The following SNX29 variants were observed in gnomAD, a reference collection of about 807,000 sequenced individuals.
SNX29 encodes sorting nexin-29.
Under a neutral mutation model 102.1 loss-of-function variants are expected in SNX29, and 78 were observed. That is an observed-to-expected ratio of 0.76 (90% CI 0.64 to 0.92). The LOEUF is 0.92. SNX29 is among the 40% of genes least tolerant of loss of function. The pLI is 0.00. For missense variants in SNX29, 1,280 were observed against 1,061.7 expected, an observed-to-expected ratio of 1.21 and a Z score of -2.86; for synonymous variants, 580 against 414.5, an observed-to-expected ratio of 1.40 and a Z score of -4.85.
At chr16:12,538,691 A>C (rs1362763106) in intron 20 of SNX29, among the ~76,000 whole-genome samples, 1 of 152,194 alleles carries the variant, frequency 6.6e-6, no homozygotes, top group Non-Finnish European at 1.5e-5. Flanking sequence ...TCCCAGGACC[A>C]GTGGGCGAGC....
At chr16:12,486,117 C>G (rs2088217163) in intron 19 of SNX29, among the ~76,000 whole-genome samples, 1 of 152,220 alleles carries the variant, frequency 6.6e-6, no homozygotes, top group African/African-American at 2.4e-5. Context: ...CTTGCCTTTT[C>G]CAGCTTAGAG....
chr16:12,346,632 C>T (rs1248506956), intron 15 of SNX29, among the ~76,000 whole-genome samples: 1 of 152,192 alleles, frequency 6.6e-6, no homozygotes, highest in African/African-American at 2.4e-5. Flanking sequence ...TGCATGAGTG[C>T]CTCTTGTGTG....
chr16:12,562,378 A>G (rs2078775751), intron 20 of SNX29, among the ~76,000 whole-genome samples: 1 of 139,630 alleles, frequency 7.2e-6, no homozygotes, highest in African/African-American at 2.9e-5. Flanking sequence ...CATTTTTTAA[A>G]ACAGCTCAAG....
At chr16:12,557,602 C>T (rs1040630328) in intron 20 of SNX29, 4 of 152,162 alleles carry the variant, frequency 2.6e-5, no homozygotes, top group Admixed American at 1.3e-4. Context: ...CCTCAAATGA[C>T]CCATTCTCCT....
chr16:12,568,980 G>T lies in SNX29; in HGVS notation c.*351G>T. On this transcript the variant is annotated 3_prime_UTR_variant, in exon 21 of 21. Coordinates refer to ENST00000566228, the MANE Select transcript of SNX29 (RefSeq NM_032167.5). The stretch of plus-strand genomic sequence containing the variant: ...AGGCTGGGTGCGCCATGGTTGAGAG[G>T]CAAAGGTGATCCCCTATATAGGAAG... The T allele has an allele frequency of 2.9e-6, 1 of 341,972 alleles. No individual in the cohort carries two copies. Among genetic ancestry groups the T allele is most frequent in the South Asian group, 5.5e-5 (1 of 18,046 alleles). The allele number at this position is 341,972 out of a possible 1,614,324, so 21.2% of individuals were successfully genotyped here.
intron 14 of SNX29, among the ~76,000 whole-genome samples, chr16:12,234,638 A>G (rs930807566): frequency 1.3e-5 from 2 of 151,984 alleles, no homozygotes; most frequent in African/African-American, 4.8e-5. Context: ...TCTTTAAAGC[A>G]GTGTTTCTGT....
chr16:12,210,380 C>T (rs1298281465), intron 14 of SNX29, among the ~76,000 whole-genome samples: 4 of 149,768 alleles, frequency 2.7e-5, no homozygotes, highest in South Asian at 2.1e-4. Flanking sequence ...CAGGCTGGAG[C>T]GCAGCTGGAC....
chr16:12,565,680 C>T (rs919713537), intron 20 of SNX29, among the ~76,000 whole-genome samples: 2 of 152,172 alleles, frequency 1.3e-5, no homozygotes, highest in African/African-American at 4.8e-5. Flanking sequence ...CCGAGCTAAC[C>T]CTGCCTTCCA....
At chr16:12,550,936 T>A (rs1031061863) in intron 20 of SNX29, among the ~76,000 whole-genome samples, 4 of 152,142 alleles carry the variant, frequency 2.6e-5, no homozygotes, top group Admixed American at 6.5e-5. Context: ...AAATAAATTT[T>A]TAGTTGAATC....
At chr16:12,548,030 T>C (rs558253164) in intron 20 of SNX29, among the ~76,000 whole-genome samples, 2 of 152,268 alleles carry the variant, frequency 1.3e-5, no homozygotes, top group East Asian at 1.9e-4. Context: ...ACTGCTCATA[T>C]TGGTAAGGCA....
intron 19 of SNX29, among the ~76,000 whole-genome samples, chr16:12,510,672 C>A (rs2089575635): frequency 6.6e-6 from 1 of 150,726 alleles, no homozygotes; most frequent in African/African-American, 2.4e-5. Flanking sequence ...GACTCTGTCT[C>A]AAAAAAAAGA....
intron 20 of SNX29, among the ~76,000 whole-genome samples, chr16:12,567,343 C>T (rs1009585659): frequency 2.6e-5 from 4 of 152,132 alleles, no homozygotes; most frequent in African/African-American, 7.3e-5. Context: ...GGACATGGAT[C>T]CTGTTAGGTT....
rs1242117861 is a variant in SNX29, at chr16:12,572,807, C to G, written c.*4178C>G. On this transcript the variant is annotated 3_prime_UTR_variant, in exon 21 of 21. Coordinates refer to ENST00000566228, the MANE Select transcript of SNX29 (RefSeq NM_032167.5). Reference sequence around the variant, plus strand: ...ACTCCTCCTTCCCCAGTACATCAGACTGGTTAGGAGGCATCCCAGAAGGGG... The same window carrying G: ...ACTCCTCCTTCCCCAGTACATCAGAGTGGTTAGGAGGCATCCCAGAAGGGG... 12 of 1,063,900 alleles carry G rather than the reference C, an allele frequency of 1.1e-5. No homozygotes were observed. Among genetic ancestry groups the G allele is most frequent in the African/African-American group, 1.6e-5 (1 of 61,110 alleles). The allele number at this position is 1,063,900 out of a possible 1,614,324, so 65.9% of individuals were successfully genotyped here.
At chr16:12,412,613 G>A (rs940967047) in intron 18 of SNX29, among the ~76,000 whole-genome samples, 7 of 152,188 alleles carry the variant, frequency 4.6e-5, no homozygotes, top group Non-Finnish European at 8.8e-5. Context: ...TAAAGTCTTC[G>A]CGTGTTAGGC....
chr16:12,027,138 A>G (rs1436971463), intron 3 of SNX29, among the ~76,000 whole-genome samples, 182 bp from the exon 4 acceptor site: 2 of 152,194 alleles, frequency 1.3e-5, no homozygotes, highest in African/African-American at 2.4e-5. Context: ...AATGAACATC[A>G]ACACGGGAGG....
In SNX29 at chr16:12,523,838, A is replaced by C. The variant is rs920245067; in HGVS notation, c.2179-864A>C. The stretch of plus-strand genomic sequence containing the variant: ...CTTCTGGGGCCACGCTGCACAGCCC[A>C]GCCTGGTATGGCCCTATGGGTGGGG... On this transcript the variant is annotated intron_variant, in intron 19 of 20. Coordinates refer to ENST00000566228, the MANE Select transcript of SNX29 (RefSeq NM_032167.5). Among the ~76,000 whole-genome samples the C allele has an allele frequency of 3.3e-5, 5 of 152,168 alleles. 1 individual carries two copies. Among genetic ancestry groups the C allele is most frequent in the Admixed American group, 3.3e-4 (5 of 15,282 alleles).
chr16:12,160,112 G>T (rs746926918), intron 13 of SNX29, among the ~76,000 whole-genome samples: 2 of 152,200 alleles, frequency 1.3e-5, no homozygotes, highest in African/African-American at 4.8e-5. Flanking sequence ...GAATAGCACC[G>T]TGACTCTGAT....
chr16:12,260,252 T>C (rs193016788), intron 14 of SNX29, among the ~76,000 whole-genome samples: 2 of 152,344 alleles, frequency 1.3e-5, no homozygotes, highest in African/African-American at 4.8e-5. Flanking sequence ...GCTACAGGCG[T>C]CCTTGTTCCA....
At chr16:12,065,498 G>C (rs975678690) in intron 9 of SNX29, among the ~76,000 whole-genome samples, 1 of 152,058 alleles carries the variant, frequency 6.6e-6, no homozygotes, top group Non-Finnish European at 1.5e-5. Context: ...TTGAAACCTT[G>C]GGTCCTCAAA....
Sources: gnomAD v4.1 joint callset for allele counts (sites outside exome capture counted in the v4.1 genomes callset) on GRCh38, gnomAD v4.1.1 for gene constraint, MANE v1.5 for transcripts, NCBI Gene and HGNC (gene_info 2026-07-23, HGNC 2026-07-21) for gene names.